The following ME3 variants were observed in gnomAD, a reference collection of about 807,000 sequenced individuals.
The protein encoded by ME3 is NADP-dependent malic enzyme, mitochondrial.
Under a neutral mutation model 68.9 loss-of-function variants are expected in ME3, and 48 were observed. The observed-to-expected ratio is 0.70, with a 90% CI of 0.55 to 0.89. The LOEUF (loss-of-function observed/expected upper bound fraction) is 0.89, where lower values mean the gene tolerates loss of function less well. Among genes scored for constraint, ME3 ranks in the 40% least tolerant of loss-of-function variants. ME3 has a pLI of 0.00. For missense variants in ME3, 675 were observed against 797.4 expected (o/e 0.85, Z 1.85); for synonymous variants, 320 against 318.8 (o/e 1.00, Z -0.04).
chr11:86,488,912 G>T (rs1475122192), intron 6 of ME3, among the ~76,000 whole-genome samples: 2 of 152,152 alleles, frequency 1.3e-5, no homozygotes, highest in African/African-American at 4.8e-5. Flanking sequence ...CCCTTTGGGG[G>T]GCAGATTGGG....
intron 2 of ME3, among the ~76,000 whole-genome samples, chr11:86,662,611 T>G (rs1946353265): frequency 1.3e-5 from 2 of 151,910 alleles, no homozygotes; most frequent in African/African-American, 4.8e-5. Context: ...AAAATAAAAA[T>G]GAAAATAAAA....
At chr11:86,572,746 G>A (rs1471551874) in intron 2 of ME3, among the ~76,000 whole-genome samples, 1 of 152,158 alleles carries the variant, frequency 6.6e-6, no homozygotes, top group Admixed American at 6.5e-5. Context: ...ACATATATGT[G>A]CATGTGTCTT....
chr11:86,631,251 A>G (rs921058245), intron 2 of ME3, among the ~76,000 whole-genome samples: 1 of 152,230 alleles, frequency 6.6e-6, no homozygotes, highest in African/African-American at 2.4e-5. Context: ...GGGATTTCCA[A>G]TTCTGAAGCC....
intron 2 of ME3, among the ~76,000 whole-genome samples, chr11:86,668,688 G>A (rs1946726919): frequency 6.6e-6 from 1 of 152,226 alleles, no homozygotes; most frequent in African/African-American, 2.4e-5. Context: ...CACAATAGCA[G>A]CAATGCTTGC....
intron 2 of ME3, among the ~76,000 whole-genome samples, chr11:86,658,120 A>G (rs1178239568): frequency 2.0e-5 from 2 of 101,000 alleles, no homozygotes; most frequent in African/African-American, 7.8e-5. Flanking sequence ...GGCAAAGTTT[A>G]CCTTCTTCAC....
At chr11:86,494,513 A>AC (rs1952192013) in intron 6 of ME3, among the ~76,000 whole-genome samples, 2 of 151,942 alleles carry the variant, frequency 1.3e-5, no homozygotes, top group African/African-American at 4.8e-5. Flanking sequence ...GCTTCCTCTC[A>AC]CCCCCGGGGC....
chr11:86,594,565 C>T (rs1959186427), intron 2 of ME3, among the ~76,000 whole-genome samples: 1 of 145,464 alleles, frequency 6.9e-6, no homozygotes, highest in Admixed American at 7.4e-5. Flanking sequence ...TGTGGTGATG[C>T]ATGCTTATAG....
At chr11:86,651,737 T>A (rs547619953) in intron 2 of ME3, among the ~76,000 whole-genome samples, 18 of 152,208 alleles carry the variant, frequency 1.2e-4, no homozygotes, top group Non-Finnish European at 2.5e-4. Context: ...GGAATAAAGC[T>A]GGATGGAGAA....
intron 2 of ME3, among the ~76,000 whole-genome samples, chr11:86,615,570 A>G (rs1287946639): frequency 6.6e-6 from 1 of 152,216 alleles, no homozygotes; most frequent in Non-Finnish European, 1.5e-5. Flanking sequence ...CACAGAGCTA[A>G]TAAGAGTTCA....
intron 4 of ME3, among the ~76,000 whole-genome samples, chr11:86,522,606 C>T (rs1954407379): frequency 6.6e-6 from 1 of 152,020 alleles, no homozygotes; most frequent in African/African-American, 2.4e-5. Flanking sequence ...GTTCAACTCC[C>T]ACATGTGAGC....
intron 4 of ME3, among the ~76,000 whole-genome samples, chr11:86,538,798 A>G (rs1012242452): frequency 1.3e-5 from 2 of 152,052 alleles, no homozygotes; most frequent in African/African-American, 4.8e-5. Context: ...CCCTGACCCA[A>G]TCCAAACTCC....
intron 6 of ME3, among the ~76,000 whole-genome samples, chr11:86,490,858 T>C (rs1019135317): frequency 6.6e-6 from 1 of 152,192 alleles, no homozygotes; most frequent in African/African-American, 2.4e-5. Context: ...TTCTCAATCC[T>C]GCATATGCAG....
At chr11:86,599,321 C>T (rs534769267) in intron 2 of ME3, among the ~76,000 whole-genome samples, 119 of 151,942 alleles carry the variant, frequency 7.8e-4, no homozygotes, top group Non-Finnish European at 1.2e-3. Flanking sequence ...CCTCTGGAGC[C>T]GATGCAATCA....
intron 7 of ME3, among the ~76,000 whole-genome samples, chr11:86,476,471 C>G (rs568008501): frequency 6.6e-6 from 1 of 152,248 alleles, no homozygotes; most frequent in African/African-American, 2.4e-5. Context: ...AATTTTGCAG[C>G]TTTCTCTTGG....
intron 2 of ME3, among the ~76,000 whole-genome samples, chr11:86,626,548 A>G (rs1943676607): frequency 6.6e-6 from 1 of 152,160 alleles, no homozygotes. Flanking sequence ...TAATAATTCC[A>G]ACTTTTGTTC....
chr11:86,544,660 T>C (rs1487968249), intron 4 of ME3, among the ~76,000 whole-genome samples: 1 of 152,160 alleles, frequency 6.6e-6, no homozygotes, highest in East Asian at 1.9e-4. Flanking sequence ...ATTAAGGCAC[T>C]AAATAATAGC....
chr11:86,534,081 G>GTATATA (rs57566563), intron 4 of ME3, among the ~76,000 whole-genome samples: 113 of 127,508 alleles, frequency 8.9e-4, no homozygotes, highest in African/African-American at 3.1e-3. Flanking sequence ...GTGTGTGTGT[G>GTATATA]TATATATATA....
At chr11:86,443,245 T>C (rs922877532) in intron 13 of ME3, among the ~76,000 whole-genome samples, 1 of 152,208 alleles carries the variant, frequency 6.6e-6, no homozygotes, top group African/African-American at 2.4e-5. Context: ...GCCTGTTGCA[T>C]AGGGATCCCT....
At chr11:86,605,693 G>A in intron 2 of ME3, among the ~76,000 whole-genome samples, 1 of 152,120 alleles carries the variant, frequency 6.6e-6, no homozygotes. Flanking sequence ...TCTGTTTAAC[G>A]TTATTTAAAA....
Sources: gnomAD v4.1 joint callset for allele counts (sites outside exome capture counted in the v4.1 genomes callset) on GRCh38, gnomAD v4.1.1 for gene constraint, MANE v1.5 for transcripts, NCBI Gene and HGNC (gene_info 2026-07-23, HGNC 2026-07-21) for gene names.